Variants in NDRG2 observed in about 807,000 individuals in gnomAD.
NDRG2 encodes the protein protein NDRG2.
A neutral mutation model predicts 58.2 loss-of-function variants in NDRG2; 34 were observed. The observed-to-expected ratio is 0.58, with a 90% CI of 0.44 to 0.78. The LOEUF (loss-of-function observed/expected upper bound fraction) is 0.78. Among genes scored for constraint, NDRG2 ranks in the 30% least tolerant of loss-of-function variants. NDRG2 has a pLI of 0.00. For missense variants in NDRG2, 434 were observed against 471.2 expected (o/e 0.92, Z 0.73); for synonymous variants, 187 against 175.9 (o/e 1.06, Z -0.50).
chr14:21,053,674 C>G (rs913640527), intron 1 of NDRG2, among the ~76,000 whole-genome samples: 1 of 151,940 alleles, frequency 6.6e-6, no homozygotes, highest in Non-Finnish European at 1.5e-5. Flanking sequence ...CGTGGTGGTG[C>G]AGGCCTGTAG....
chr14:21,049,856 C>A (rs984604537), intron 1 of NDRG2, among the ~76,000 whole-genome samples: 126 of 151,186 alleles, frequency 8.3e-4, no homozygotes, highest in Non-Finnish European at 3.2e-4. Flanking sequence ...CCTTGTTGAG[C>A]TTTTTGGCCT....
chr14:21,037,253 C>T (rs1884686596), intron 1 of NDRG2, among the ~76,000 whole-genome samples: 1 of 152,242 alleles, frequency 6.6e-6, no homozygotes. Context: ...TCCTGGTGAT[C>T]TGTTCCCTAA....
At chr14:21,046,531 G>A (rs1024696030) in intron 1 of NDRG2, among the ~76,000 whole-genome samples, 1 of 143,880 alleles carries the variant, frequency 7.0e-6, no homozygotes, top group African/African-American at 2.5e-5. Context: ...ATGAGAGCCT[G>A]TCTCAAAACA....
At chr14:21,029,555 C>T (rs1212190243), upstream of NDRG2, among the ~76,000 whole-genome samples, 1 of 152,196 alleles carries the variant, frequency 6.6e-6, no homozygotes, top group Non-Finnish European at 1.5e-5. Flanking sequence ...CAGGATCATG[C>T]CACTGCATTT....
rs188954525 is a variant in NDRG2 at position 21,062,459 on chromosome 14, T to A, written c.24+8369A>T. On this transcript the variant is annotated intron_variant, in intron 1 of 14. Coordinates refer to the NDRG2 transcript ENST00000403829. ...CTGTGCTGCCTTCAGTTGGGTTATT[T>A]TTCTGACTTGGGAATGGGAGTATTA... Among the ~76,000 whole-genome samples the A allele has an allele frequency of 2.6e-5, 4 of 152,258 alleles. No individual in the cohort carries two copies. In the East Asian group the frequency reaches 7.7e-4, roughly 29 times the overall value.
intron 7 of NDRG2, 91 bp from the exon 8 acceptor site, chr14:21,020,673 G>T: frequency 6.4e-7 from 1 of 1,571,710 alleles, no homozygotes; most frequent in Non-Finnish European, 8.8e-7. Context: ...CTCCCACAGG[G>T]CCTGACTCCC....
intron 1 of NDRG2, among the ~76,000 whole-genome samples, chr14:21,067,846 CACTT>C (rs111536061): frequency 1.3e-5 from 2 of 152,152 alleles, no homozygotes; most frequent in Non-Finnish European, 2.9e-5. Flanking sequence ...AACCACATGT[CACTT>C]ACTTACTTAA....
chr14:21,017,880 G>C, intron 15 of NDRG2, 107 bp downstream of exon 15: 3 of 1,602,534 alleles, frequency 1.9e-6, no homozygotes, highest in Non-Finnish European at 2.6e-6. Flanking sequence ...GGATCAACGA[G>C]CTCGATTGGG....
At chr14:21,069,627 C>A (rs1407013750) in intron 1 of NDRG2, among the ~76,000 whole-genome samples, 1 of 152,248 alleles carries the variant, frequency 6.6e-6, no homozygotes, top group Non-Finnish European at 1.5e-5. Context: ...AACTCCCGCA[C>A]ACTCCCGCCT....
intron 6 of NDRG2, chr14:21,021,593 AC>A (rs1327455796): frequency 1.8e-6 from 1 of 568,496 alleles, no homozygotes; most frequent in Admixed American, 3.1e-5. Context: ...CCAAGCATAG[AC>A]CCTTTTCCTT....
intron 1 of NDRG2, chr14:21,057,770 C>T: frequency 1.3e-6 from 1 of 794,280 alleles, no homozygotes; most frequent in Non-Finnish European, 2.0e-6. Context: ...TCTTAGGCTG[C>T]ACATTGCCCT....
chr14:21,034,492 C>T (rs1884484653), intron 1 of NDRG2, among the ~76,000 whole-genome samples: 1 of 152,180 alleles, frequency 6.6e-6, no homozygotes, highest in African/African-American at 2.4e-5. Context: ...AGCCCTGCTC[C>T]CCTGGTCCAC....
At chr14:21,060,620 A>G (rs565463886) in intron 1 of NDRG2, among the ~76,000 whole-genome samples, 1 of 152,332 alleles carries the variant, frequency 6.6e-6, no homozygotes, top group African/African-American at 2.4e-5. Context: ...CAGAGCTCCC[A>G]AAGTCCAGTC....
intron 1 of NDRG2, among the ~76,000 whole-genome samples, chr14:21,058,927 T>TAAAA (rs10622766): frequency 0.5 from 75,849 of 151,714 alleles, 20,650 homozygotes; most frequent in Non-Finnish European, 0.6. Flanking sequence ...GAAAAGGCCC[T>TAAAA]GAAACACTTA....
At chr14:21,064,900 G>A (rs1244311551) in intron 1 of NDRG2, among the ~76,000 whole-genome samples, 1 of 152,194 alleles carries the variant, frequency 6.6e-6, no homozygotes, top group Non-Finnish European at 1.5e-5. Flanking sequence ...GCCGGGCATG[G>A]TGGCTCATGC....
chr14:21,043,342 C>A (rs201222337), intron 1 of NDRG2: 2 of 1,614,148 alleles, frequency 1.2e-6, no homozygotes, highest in Middle Eastern at 1.6e-4. Flanking sequence ...GGGAAGCATC[C>A]GAACTGCAGG....
rs199507064 is a variant in NDRG2 at position 21,033,983 on chromosome 14, G to A, written c.25-10662C>T. Reference sequence around the variant, plus strand: ...CCGTGATGGGGAGGGAATCCTGGGTGAGTGTGCAGTATTCATTGTAATTCT... The same window carrying A: ...CCGTGATGGGGAGGGAATCCTGGGTAAGTGTGCAGTATTCATTGTAATTCT... On this transcript the variant is annotated intron_variant, in intron 1 of 14. Coordinates refer to the NDRG2 transcript ENST00000403829. 2.0e-5 allele frequency: 32 copies of A among 1,614,060 alleles called. No individual in the cohort carries two copies. The East Asian group carries it at 2.9e-4, about 15-fold the overall frequency.
upstream of NDRG2, chr14:21,025,825 G>T (rs2297063): frequency 0.16 from 75,211 of 474,766 alleles, 8,111 homozygotes; most frequent in Non-Finnish European, 0.16. This position sits in a 1 kb window ranked among gnomAD's most constrained non-coding sequence, Gnocchi z 5.1. Flanking sequence ...GGAGAGGATG[G>T]CCAACAGGGA....
chr14:21,031,370 G>C (rs1336363407), intron 1 of NDRG2: 1 of 575,822 alleles, frequency 1.7e-6, no homozygotes, highest in Non-Finnish European at 2.8e-6. Context: ...TTTAATAGTA[G>C]ATTTAGACTA....
Sources: allele counts gnomAD v4.1 joint callset (sites outside exome capture counted in the v4.1 genomes callset), GRCh38; gene constraint gnomAD v4.1.1; non-coding constraint Gnocchi (gnomAD v3.1); transcripts MANE v1.5; gene names NCBI Gene and HGNC (gene_info 2026-07-23, HGNC 2026-07-21).